The following TMEM117 variants were observed in gnomAD, a reference collection of about 807,000 sequenced individuals.
The protein encoded by TMEM117 is transmembrane protein 117.
Under a neutral mutation model 52.4 loss-of-function variants are expected in TMEM117, and 27 were observed. The observed-to-expected ratio is 0.51, with a 90% CI of 0.38 to 0.71. The LOEUF is 0.71. Among genes scored for constraint, TMEM117 ranks in the 30% least tolerant of loss-of-function variants. The pLI is 0.00. For synonymous variants in TMEM117, 215 were observed against 206.3 expected, an observed-to-expected ratio of 1.04 and a Z score of -0.36; for missense variants, 556 against 630.5, an observed-to-expected ratio of 0.88 and a Z score of 1.26.
chr12:43,798,714 A>C, the TMEM117 span: 143 of 1,025,828 alleles, frequency 1.4e-4, no homozygotes, highest in East Asian at 3.6e-3. Context: ...ATATTAAATG[A>C]TATTCAACCA....
At chr12:43,941,985 G>A (rs1400219211) in intron 2 of TMEM117, among the ~76,000 whole-genome samples, 3 of 152,184 alleles carry the variant, frequency 2.0e-5, no homozygotes, top group African/African-American at 7.2e-5. Flanking sequence ...TTTGACATAT[G>A]CTTATGTTAA....
chr12:43,848,352 T>C (rs1943247485), intron 2 of TMEM117, among the ~76,000 whole-genome samples: 1 of 152,050 alleles, frequency 6.6e-6, no homozygotes, highest in Non-Finnish European at 1.5e-5. Flanking sequence ...CTTATCTCAG[T>C]CCTTATCTCA....
chr12:44,067,726 C>T (rs1947243977), intron 3 of TMEM117, among the ~76,000 whole-genome samples: 1 of 152,158 alleles, frequency 6.6e-6, no homozygotes. Context: ...TTAGGTATAG[C>T]ATAATTCTTA....
chr12:43,854,274 T>A (rs1330910116), intron 2 of TMEM117, among the ~76,000 whole-genome samples: 1 of 152,038 alleles, frequency 6.6e-6, no homozygotes, highest in Non-Finnish European at 1.5e-5. Context: ...TAATTCTGGC[T>A]TATGTTTGTT....
At chr12:44,254,321 C>A (rs1354577375) in intron 5 of TMEM117, among the ~76,000 whole-genome samples, 2 of 151,810 alleles carry the variant, frequency 1.3e-5, no homozygotes, top group Non-Finnish European at 2.9e-5. Context: ...GAGAATCAAT[C>A]AATTAGAAGA....
chr12:44,262,536 G>A (rs942188709), intron 5 of TMEM117, among the ~76,000 whole-genome samples: 4 of 152,140 alleles, frequency 2.6e-5, no homozygotes, highest in Non-Finnish European at 5.9e-5. Context: ...TACTAAGATA[G>A]CCACCAGAGT....
intron 3 of TMEM117, among the ~76,000 whole-genome samples, chr12:44,131,206 T>C (rs947664069): frequency 1.3e-5 from 2 of 152,052 alleles, no homozygotes; most frequent in Non-Finnish European, 2.9e-5. Context: ...ATTATTATCC[T>C]GTTCAAAATA....
In TMEM117 at chr12:44,147,161, G is replaced by A. The variant is rs182279466; in HGVS notation, c.510+3537G>A. ...ATGTAAGAAATACGTAAAGTGCTGA[G>A]CGATGTAATCCACATTGAGCTGGGT... On this transcript the variant is annotated intron_variant, in intron 4 of 7. Coordinates refer to ENST00000266534, the MANE Select transcript of TMEM117 (RefSeq NM_032256.3). Among the ~76,000 whole-genome samples the A allele has an allele frequency of 2.1e-3, 314 of 152,264 alleles. 1 individual carries two copies. Among genetic ancestry groups the A allele is most frequent in the Non-Finnish European group, 2.7e-3 (185 of 68,012 alleles).
intron 3 of TMEM117, among the ~76,000 whole-genome samples, chr12:43,992,227 C>T (rs1393639656): frequency 3.3e-5 from 5 of 151,426 alleles, no homozygotes; most frequent in Admixed American, 3.3e-4. Flanking sequence ...ATTCATTGCT[C>T]TCCATGTACT....
chr12:43,843,491 C>G (rs1404776713), intron 1 of TMEM117, among the ~76,000 whole-genome samples: 1 of 152,162 alleles, frequency 6.6e-6, no homozygotes, highest in African/African-American at 2.4e-5. Context: ...CTAAGCAAGA[C>G]TTTGGAGGTG....
At chr12:43,896,333 C>T (rs1944201634) in intron 2 of TMEM117, among the ~76,000 whole-genome samples, 1 of 152,178 alleles carries the variant, frequency 6.6e-6, no homozygotes, top group African/African-American at 2.4e-5. Flanking sequence ...CTGTTTCCAT[C>T]TCTTATTAAA....
intron 3 of TMEM117, chr12:44,010,108 C>A: frequency 2.1e-6 from 1 of 486,210 alleles, no homozygotes; most frequent in South Asian, 1.5e-5. Flanking sequence ...TCTGGGGGTT[C>A]AAGTATGCAT....
chr12:43,876,385 C>T (rs1262205084), intron 2 of TMEM117, among the ~76,000 whole-genome samples: 1 of 152,122 alleles, frequency 6.6e-6, no homozygotes, highest in African/African-American at 2.4e-5. Context: ...CTTGTCATTT[C>T]TAGGGTCATT....
At chr12:44,080,107 C>T (rs1947457343) in intron 3 of TMEM117, among the ~76,000 whole-genome samples, 1 of 151,638 alleles carries the variant, frequency 6.6e-6, no homozygotes, top group Non-Finnish European at 1.5e-5. Flanking sequence ...ATTGTAGAAC[C>T]TTTAAAACCA....
At chr12:44,214,947 G>C (rs1949696959) in intron 5 of TMEM117, among the ~76,000 whole-genome samples, 1 of 152,040 alleles carries the variant, frequency 6.6e-6, no homozygotes, top group Admixed American at 6.5e-5. Flanking sequence ...GGTTTGGTTT[G>C]GTTTTGTTCT....
intron 3 of TMEM117, among the ~76,000 whole-genome samples, chr12:44,075,675 G>A (rs1947370882): frequency 1.3e-5 from 2 of 152,092 alleles, no homozygotes; most frequent in East Asian, 1.9e-4. Context: ...TATTTAAAAA[G>A]GAAGGTTGAA....
rs145368401 is a variant in TMEM117 at position 44,240,492 on chromosome 12, G to A, written c.608+29105G>A. 3.3e-5 allele frequency among the ~76,000 whole-genome samples: 5 copies of A among 152,124 alleles called. No individual in the cohort carries two copies. The East Asian group carries it at 9.7e-4, about 29-fold the overall frequency. On this transcript the variant is annotated intron_variant, in intron 5 of 7. Transcript: ENST00000266534. ...GAGGGAACAGATATTGCAACAATTG[G>A]TGGTCTTTGCTATCCTCTCCTTATC... is the stretch of plus-strand genomic sequence containing the variant.
chr12:43,964,300 T>C (rs1446851721), intron 3 of TMEM117, among the ~76,000 whole-genome samples: 1 of 152,060 alleles, frequency 6.6e-6, no homozygotes, highest in East Asian at 1.9e-4. Context: ...GCATGGTAAG[T>C]GCATGGGCCT....
At chr12:44,287,059 A>C (rs2138610971) in intron 5 of TMEM117, among the ~76,000 whole-genome samples, 1 of 152,272 alleles carries the variant, frequency 6.6e-6, no homozygotes, top group South Asian at 2.1e-4. Context: ...CTTTTTTAAC[A>C]ACAACTCTGT....
Sources: allele counts gnomAD v4.1 joint callset (sites outside exome capture counted in the v4.1 genomes callset), GRCh38; gene constraint gnomAD v4.1.1; transcripts MANE v1.5; gene names NCBI Gene and HGNC (gene_info 2026-07-23, HGNC 2026-07-21).